Variants in STAG1 observed in about 807,000 individuals in gnomAD.
STAG1 encodes STAG1 cohesin complex component.
Under a neutral mutation model 170.9 loss-of-function variants are expected in STAG1, and 26 were observed. The observed-to-expected ratio is 0.15, with a 90% CI of 0.11 to 0.21. The LOEUF is 0.21. STAG1 is among the 10% of genes least tolerant of loss of function. STAG1 has a pLI of 1.00. For missense variants in STAG1, 964 were observed against 1,509.5 expected (o/e 0.64, Z 5.99); for synonymous variants, 514 against 497.7 (o/e 1.03, Z -0.44).
At chr3:136,578,537 T>C (rs1221036712) in intron 4 of STAG1, among the ~76,000 whole-genome samples, 1 of 152,248 alleles carries the variant, frequency 6.6e-6, no homozygotes, top group Non-Finnish European at 1.5e-5. Context: ...ACCAGATCCC[T>C]GTACAACTAT....
intron 1 of STAG1, among the ~76,000 whole-genome samples, chr3:136,749,174 A>T (rs190459566): frequency 8.3e-4 from 126 of 152,306 alleles, no homozygotes; most frequent in Non-Finnish European, 1.3e-3. Context: ...TTGCATATGT[A>T]ATTAAGGCCC....
chr3:136,420,997 A>G, intron 20 of STAG1, 96 bp downstream of exon 20: 4 of 676,030 alleles, frequency 5.9e-6, no homozygotes, highest in Non-Finnish European at 9.7e-6. Flanking sequence ...TCTCCAATTC[A>G]TGGCCTCAAG....
rs769166060 is a variant in STAG1 at position 136,421,067 on chromosome 3, C to T, written c.2108+26G>A. ...GTTACAGGCATGAGCCACCTCGTTG[C>T]CTTTACTTTAAATAAAATAACGTAC... On this transcript the variant is annotated intron_variant, in intron 20 of 33. Transcript: ENST00000383202. 7.3e-6 allele frequency: 11 copies of T among 1,499,528 alleles called. No homozygotes were observed. The South Asian group carries it at 1.2e-4, about 16-fold the overall frequency. 92.9% of individuals were successfully genotyped at this position (1,499,528 alleles called of 1,614,324 possible).
chr3:136,646,396 C>G (rs1235211617), intron 1 of STAG1, among the ~76,000 whole-genome samples: 1 of 152,126 alleles, frequency 6.6e-6, no homozygotes, highest in African/African-American at 2.4e-5. Context: ...AGAACCCATC[C>G]TAGGGACAAC....
intron 3 of STAG1, among the ~76,000 whole-genome samples, chr3:136,604,783 T>G (rs1938855873): frequency 6.6e-6 from 1 of 152,094 alleles, no homozygotes; most frequent in African/African-American, 2.4e-5. Context: ...CCCGAGTAGC[T>G]GAGATTACAG....
chr3:136,484,040 C>CA (rs2089947080), intron 9 of STAG1, among the ~76,000 whole-genome samples: 1 of 108,948 alleles, frequency 9.2e-6, no homozygotes, highest in Non-Finnish European at 1.9e-5. Flanking sequence ...TCCCGTAGCT[C>CA]AGAGTAATTT....
intron 6 of STAG1, among the ~76,000 whole-genome samples, chr3:136,528,551 A>G (rs1241495763): frequency 3.0e-5 from 4 of 132,122 alleles, no homozygotes; most frequent in East Asian, 2.4e-4. Context: ...TATTTATTCT[A>G]AAGAAGCTCA....
At chr3:136,633,388 T>C (rs986046583) in intron 1 of STAG1, among the ~76,000 whole-genome samples, 2 of 152,130 alleles carry the variant, frequency 1.3e-5, no homozygotes, top group Admixed American at 1.3e-4. Context: ...AATTTGTCCC[T>C]AGACATGCCC....
At position 136,604,797 on chromosome 3, in the gene STAG1, C is replaced by A. The variant is rs971637154; in HGVS notation, c.133-324G>T. Among the ~76,000 whole-genome samples, 8 of 152,146 alleles carry A rather than the reference C, an allele frequency of 5.3e-5. No homozygotes were observed. In the South Asian group the frequency reaches 1.7e-3, roughly 32 times the overall value. On this transcript the variant is annotated intron_variant, in intron 3 of 33. Coordinates refer to ENST00000383202, the MANE Select transcript of STAG1 (RefSeq NM_005862.3). ...TCCCGAGTAGCTGAGATTACAGACC[C>A]CACCACCACGACCAGTTAATTTTTG...
At chr3:136,400,296 C>A (rs999050859) in intron 21 of STAG1, among the ~76,000 whole-genome samples, 4 of 151,964 alleles carry the variant, frequency 2.6e-5, no homozygotes. Context: ...GGCGTGATCT[C>A]GGCTCACTGC....
intron 16 of STAG1, among the ~76,000 whole-genome samples, chr3:136,425,114 A>G (rs1417694113): frequency 4.6e-5 from 7 of 152,204 alleles, no homozygotes; most frequent in Non-Finnish European, 7.3e-5. Flanking sequence ...TTGGGTTTAC[A>G]GGCATGAGCC....
At chr3:136,511,772 C>A (rs552434063) in intron 7 of STAG1, among the ~76,000 whole-genome samples, 1 of 152,200 alleles carries the variant, frequency 6.6e-6, no homozygotes, top group South Asian at 2.1e-4. Context: ...ATATAACAAA[C>A]CTGCACATGT....
At chr3:136,743,586 C>G (rs565971040) in intron 1 of STAG1, among the ~76,000 whole-genome samples, 1 of 151,950 alleles carries the variant, frequency 6.6e-6, no homozygotes, top group East Asian at 1.9e-4. Context: ...AGTATAGAAA[C>G]TAAATTTGAT....
chr3:136,467,076 T>C (rs527299537), intron 12 of STAG1, among the ~76,000 whole-genome samples: 139 of 152,328 alleles, frequency 9.1e-4, no homozygotes, highest in Middle Eastern at 3.4e-3. Context: ...CCATGGATGC[T>C]AGAAAGAAAC....
intron 32 of STAG1, among the ~76,000 whole-genome samples, chr3:136,339,698 C>T (rs1336088967): frequency 1.3e-5 from 2 of 152,088 alleles, no homozygotes. Flanking sequence ...TTTTCCTTCC[C>T]TATGTAATTC....
intron 12 of STAG1, among the ~76,000 whole-genome samples, chr3:136,471,587 T>A (rs1316661753): frequency 1.3e-5 from 2 of 152,166 alleles, no homozygotes; most frequent in Non-Finnish European, 2.9e-5. Flanking sequence ...AGATGTACCA[T>A]CACAAAGTAG....
At chr3:136,357,585 T>C (rs890898045) in intron 28 of STAG1, 135 bp downstream of exon 28, 9 of 646,224 alleles carry the variant, frequency 1.4e-5, no homozygotes, top group Non-Finnish European at 2.2e-5. Context: ...AGGAAAACTA[T>C]AATTCCTTAA....
chr3:136,635,381 C>CA (rs1940511895), intron 1 of STAG1, among the ~76,000 whole-genome samples: 1 of 151,952 alleles, frequency 6.6e-6, no homozygotes, highest in African/African-American at 2.4e-5. Context: ...ATGATCATAC[C>CA]AAAAGACAAA....
rs191193281 is a variant in STAG1 at position 136,503,796 on chromosome 3, C to T, written c.677-1017G>A. On this transcript the variant is annotated intron_variant, in intron 7 of 33. Coordinates refer to ENST00000383202, the MANE Select transcript of STAG1 (RefSeq NM_005862.3). ...TGTTGCCCAGGCTGGAGTGCAATGG[C>T]GCAATCTTGGCTTACTGCAACCTCC... 1.7e-3 allele frequency among the ~76,000 whole-genome samples: 256 copies of T among 151,846 alleles called. 1 individual carries two copies. Among genetic ancestry groups the T allele is most frequent in the African/African-American group, 5.1e-3 (213 of 41,408 alleles).
Sources: allele counts gnomAD v4.1 joint callset (sites outside exome capture counted in the v4.1 genomes callset), GRCh38; gene constraint gnomAD v4.1.1; transcripts MANE v1.5; gene names NCBI Gene and HGNC (gene_info 2026-07-23, HGNC 2026-07-21).